Variants in GRID1 observed in about 807,000 individuals in gnomAD.
The protein encoded by GRID1 is glutamate ionotropic receptor delta type subunit 1.
A neutral mutation model predicts 98.0 loss-of-function variants in GRID1; 28 were observed. The observed-to-expected ratio is 0.29, with a 90% CI of 0.21 to 0.39. The LOEUF (loss-of-function observed/expected upper bound fraction) is 0.39, where lower values mean the gene tolerates loss of function less well. Ranked by LOEUF, GRID1 falls within the 10% of genes least tolerant of loss-of-function variation. GRID1 has a pLI of 1.00. For synonymous variants in GRID1, 553 were observed against 538.5 expected (o/e 1.03, Z -0.37); for missense variants, 1,111 against 1,340.5 (o/e 0.83, Z 2.67).
intron 12 of GRID1, among the ~76,000 whole-genome samples, chr10:85,681,628 A>G (rs1035408069): frequency 1.3e-5 from 2 of 151,948 alleles, no homozygotes; most frequent in Admixed American, 1.3e-4. Context: ...TAAATCTTGC[A>G]CCTTCTTCAC....
chr10:85,948,822 CAT>C (rs1400385013), intron 4 of GRID1, among the ~76,000 whole-genome samples: 1 of 152,130 alleles, frequency 6.6e-6, no homozygotes. Context: ...TTAATAAAAA[CAT>C]GTGCTTTAAG....
At chr10:86,262,102 G>T (rs557962828) in intron 2 of GRID1, among the ~76,000 whole-genome samples, 19 of 152,362 alleles carry the variant, frequency 1.2e-4, no homozygotes, top group African/African-American at 3.6e-4. Context: ...CCCAAAGCCT[G>T]CGCTCTTTAC....
chr10:86,068,396 C>T (rs979483694), intron 4 of GRID1, among the ~76,000 whole-genome samples: 2 of 152,164 alleles, frequency 1.3e-5, no homozygotes, highest in African/African-American at 4.8e-5. Flanking sequence ...GAGAAAACTT[C>T]CCCCCACTGA....
At chr10:85,864,369 A>G (rs1209268271) in intron 6 of GRID1, among the ~76,000 whole-genome samples, 1 of 152,234 alleles carries the variant, frequency 6.6e-6, no homozygotes, top group African/African-American at 2.4e-5. Context: ...TCACTGCTGA[A>G]TCTGAGGCGA....
At chr10:86,130,308 G>A (rs1378800256) in intron 4 of GRID1, among the ~76,000 whole-genome samples, 1 of 152,244 alleles carries the variant, frequency 6.6e-6, no homozygotes, top group African/African-American at 2.4e-5. Flanking sequence ...GTAGACAGGA[G>A]GCCAGGAAAT....
intron 5 of GRID1, among the ~76,000 whole-genome samples, chr10:85,876,813 C>T (rs992630283): frequency 5.3e-5 from 8 of 152,344 alleles, no homozygotes; most frequent in East Asian, 3.9e-4. Context: ...GGCATTGCCT[C>T]ACTCGGAAGT....
chr10:86,211,760 C>G (rs1256162640), intron 2 of GRID1, among the ~76,000 whole-genome samples: 1 of 152,136 alleles, frequency 6.6e-6, no homozygotes, highest in Non-Finnish European at 1.5e-5. Context: ...CAGGGCCACA[C>G]AGCCAGAGAG....
chr10:85,791,101 T>C (rs993966961), intron 8 of GRID1, among the ~76,000 whole-genome samples: 1 of 152,130 alleles, frequency 6.6e-6, no homozygotes, highest in Non-Finnish European at 1.5e-5. Flanking sequence ...TGACACCCAA[T>C]ATCGATACCC....
At chr10:85,762,064 G>C (rs1321700670) in intron 8 of GRID1, among the ~76,000 whole-genome samples, 1 of 152,066 alleles carries the variant, frequency 6.6e-6, no homozygotes, top group Non-Finnish European at 1.5e-5. Flanking sequence ...CCTCCCATTT[G>C]CTCCACCCAC....
At chr10:86,276,743 A>C (rs1249256394) in intron 2 of GRID1, among the ~76,000 whole-genome samples, 1 of 151,660 alleles carries the variant, frequency 6.6e-6, no homozygotes, top group Non-Finnish European at 1.5e-5. Context: ...ACCTGCCTCA[A>C]CCTCCCAAAG....
At chr10:86,143,713 G>C (rs945134435) in intron 3 of GRID1, among the ~76,000 whole-genome samples, 1 of 152,202 alleles carries the variant, frequency 6.6e-6, no homozygotes, top group East Asian at 1.9e-4. Context: ...CATGAGAAAG[G>C]CAAGAGCCAC....
At chr10:85,819,967 GAGGAAGGAAGGAAGGAAGGAAGGAAGGA>G (rs544578610) in intron 8 of GRID1, among the ~76,000 whole-genome samples, 6 of 88,442 alleles carry the variant, frequency 6.8e-5, no homozygotes, top group South Asian at 7.9e-4. Flanking sequence ...GAGAAAGAGA[GAGGAAGGAAGGAAGGAAGGAAGGAAGGA>G]AGGAAGGAAG....
At chr10:86,175,916 T>A (rs1450853103) in intron 3 of GRID1, among the ~76,000 whole-genome samples, 1 of 151,468 alleles carries the variant, frequency 6.6e-6, no homozygotes, top group African/African-American at 2.4e-5. Context: ...TCCATGTTGG[T>A]CAGGCTGGTC....
At chr10:85,716,924 T>C in intron 12 of GRID1, among the ~76,000 whole-genome samples, 1 of 152,056 alleles carries the variant, frequency 6.6e-6, no homozygotes, top group Non-Finnish European at 1.5e-5. Context: ...GCGGAGAGTT[T>C]ATTGGTTGCC....
At chr10:86,269,213 T>A (rs1847148799) in intron 2 of GRID1, among the ~76,000 whole-genome samples, 1 of 152,172 alleles carries the variant, frequency 6.6e-6, no homozygotes, top group Non-Finnish European at 1.5e-5. Flanking sequence ...TTTCCATTGC[T>A]CAGGGTGGCT....
intron 4 of GRID1, among the ~76,000 whole-genome samples, chr10:86,107,912 C>T (rs927236225): frequency 3.3e-5 from 5 of 152,158 alleles, no homozygotes; most frequent in African/African-American, 1.2e-4. Context: ...AGAGCCACTC[C>T]CACTCAATAA....
intron 4 of GRID1, among the ~76,000 whole-genome samples, chr10:86,109,946 T>C (rs1290818056): frequency 3.3e-5 from 5 of 150,942 alleles, no homozygotes; most frequent in Admixed American, 3.3e-4. Flanking sequence ...AAGTAAGCAT[T>C]CAATAAATCT....
chr10:85,881,197 C>T (rs979481171), intron 5 of GRID1, among the ~76,000 whole-genome samples: 2 of 152,170 alleles, frequency 1.3e-5, no homozygotes, highest in African/African-American at 4.8e-5. Context: ...GGCCATACTG[C>T]CCAAGGTAAT....
At chr10:86,134,518 C>T (rs1013528605) in intron 4 of GRID1, among the ~76,000 whole-genome samples, 9 of 152,106 alleles carry the variant, frequency 5.9e-5, no homozygotes, top group African/African-American at 9.7e-5. Context: ...AACTGTAGGG[C>T]GTTAACCTCT....
Sources: allele counts gnomAD v4.1 joint callset (sites outside exome capture counted in the v4.1 genomes callset), GRCh38; gene constraint gnomAD v4.1.1; transcripts MANE v1.5; gene names NCBI Gene and HGNC (gene_info 2026-07-23, HGNC 2026-07-21).